The following DNAH6 variants were observed in gnomAD, a reference collection of about 807,000 sequenced individuals.
DNAH6 encodes axonemal beta dynein heavy chain 6.
DNAH6 carries 340 observed loss-of-function variants against 491.4 expected under a neutral mutation model. That is an observed-to-expected ratio of 0.69 (90% CI 0.63 to 0.76). The LOEUF is 0.76. DNAH6 is among the 30% of genes least tolerant of loss of function. DNAH6 has a pLI of 0.00. For missense variants in DNAH6, 4,443 were observed against 4,972.2 expected, an observed-to-expected ratio of 0.89 and a Z score of 3.20; for synonymous variants, 1,603 against 1,686.1, an observed-to-expected ratio of 0.95 and a Z score of 1.21.
chr2:84,653,667 C>T lies in DNAH6; in HGVS notation c.5427C>T (p.Thr1809=), dbSNP rs895604010. ...TATATGGAGAGGTTAATAACTTAAC[C>T]TTGGAATGGAAAGATGGTTTGATGG... is the stretch of plus-strand genomic sequence containing the variant. ...GELYGEVNNL[T]LEWKDGLMAL... is the part of the protein sequence containing the mutation. The change falls in exon 34 of 77, where the codon ACC becomes ACT. Residue 1809 remains threonine (T), a synonymous_variant. Coordinates refer to ENST00000389394, the MANE Select transcript of DNAH6 (RefSeq NM_001370.2). The T allele has an allele frequency of 1.0e-5, 16 of 1,551,016 alleles. No homozygotes were observed. In the African/African-American group the frequency reaches 2.2e-4, roughly 21 times the overall value.
At chr2:84,803,569 C>A (rs1679131919) in intron 70 of DNAH6, among the ~76,000 whole-genome samples, 1 of 150,084 alleles carries the variant, frequency 6.7e-6, no homozygotes, top group African/African-American at 2.5e-5. Context: ...TAATAAAATG[C>A]TAAAAATCAA....
chr2:84,747,739 C>T (rs944723071), intron 63 of DNAH6, among the ~76,000 whole-genome samples: 3 of 152,196 alleles, frequency 2.0e-5, no homozygotes, highest in African/African-American at 7.2e-5. Context: ...GGGATCCCAC[C>T]CCTACAGCAG....
intron 68 of DNAH6, among the ~76,000 whole-genome samples, chr2:84,793,549 G>A (rs997508383): frequency 3.9e-5 from 6 of 152,110 alleles, no homozygotes; most frequent in African/African-American, 9.7e-5. Flanking sequence ...ATGTTCCAGC[G>A]CCAAGGACCC....
the DNAH6 span, among the ~76,000 whole-genome samples, chr2:84,486,402 G>C: frequency 6.6e-6 from 1 of 152,194 alleles, no homozygotes; most frequent in Admixed American, 6.5e-5. Context: ...GCCTCCTCCA[G>C]CTTTACTCAC....
intron 20 of DNAH6, among the ~76,000 whole-genome samples, chr2:84,606,294 C>T (rs919255146): frequency 6.6e-6 from 1 of 152,072 alleles, no homozygotes; most frequent in Non-Finnish European, 1.5e-5. Context: ...CATCACTCTG[C>T]GCAGGGGATG....
intron 64 of DNAH6, among the ~76,000 whole-genome samples, chr2:84,768,045 T>C (rs911376343): frequency 3.9e-5 from 6 of 152,058 alleles, no homozygotes; most frequent in Non-Finnish European, 7.4e-5. Flanking sequence ...ATTAAGCCTC[T>C]TTTAGACAAA....
Position 84,640,516 on chromosome 2 carries a change from G to A in DNAH6, c.4908G>A (p.Leu1636=). The change falls in exon 32 of 77, where the codon CTG becomes CTA. Residue 1636 remains leucine (L), a synonymous_variant. Transcript: ENST00000389394. ...TQMYKLCSEQ[L]SQQDHYDFGM... is the part of the protein sequence containing the mutation. ...TGTATAAGCTTTGCAGTGAGCAGCT[G>A]TCTCAGCAGGATCACTACGACTTTG... is the stretch of plus-strand genomic sequence containing the variant. 6.4e-7 allele frequency: 1 copy of A among 1,551,294 alleles called. No individual in the cohort carries two copies. Among genetic ancestry groups the A allele is most frequent in the Non-Finnish European group, 8.7e-7 (1 of 1,146,690 alleles).
intron 33 of DNAH6, among the ~76,000 whole-genome samples, chr2:84,646,331 C>T (rs1412831451): frequency 6.6e-6 from 1 of 152,048 alleles, no homozygotes; most frequent in Admixed American, 6.6e-5. Flanking sequence ...TTCTCTGAGA[C>T]ATAATAATAT....
chr2:84,504,512 T>C, the DNAH6 span, among the ~76,000 whole-genome samples: 2 of 152,198 alleles, frequency 1.3e-5, no homozygotes, highest in Non-Finnish European at 2.9e-5. Context: ...GTATTTATTG[T>C]AGTCTTCACT....
chr2:84,608,728 G>A (rs946117699), intron 21 of DNAH6, among the ~76,000 whole-genome samples: 1 of 152,104 alleles, frequency 6.6e-6, no homozygotes, highest in Non-Finnish European at 1.5e-5. Flanking sequence ...TTTTTGAATG[G>A]TAAATGAGCA....
intron 37 of DNAH6, among the ~76,000 whole-genome samples, chr2:84,665,115 T>G (rs1219247613): frequency 1.3e-5 from 2 of 152,110 alleles, no homozygotes; most frequent in African/African-American, 2.4e-5. Context: ...AGAGGGAAAT[T>G]TATAGCACTA....
chr2:84,803,594 CAT>C (rs1679136510), intron 70 of DNAH6, among the ~76,000 whole-genome samples: 1 of 151,240 alleles, frequency 6.6e-6, no homozygotes, highest in Non-Finnish European at 1.5e-5. Flanking sequence ...GTTAAAAAAA[CAT>C]TATGAATAAT....
chr2:84,565,453 T>C (rs957286062), intron 11 of DNAH6, among the ~76,000 whole-genome samples: 2 of 152,038 alleles, frequency 1.3e-5, no homozygotes, highest in Admixed American at 6.6e-5. Flanking sequence ...AATTTATCCA[T>C]TTCCTCTAGA....
intron 31 of DNAH6, among the ~76,000 whole-genome samples, chr2:84,638,611 A>G (rs1248642393): frequency 6.6e-6 from 1 of 151,900 alleles, no homozygotes; most frequent in Admixed American, 6.5e-5. Context: ...TATGTGAAAT[A>G]AAAGTAATTG....
intron 68 of DNAH6, among the ~76,000 whole-genome samples, chr2:84,791,473 A>C (rs1282264516): frequency 6.6e-6 from 1 of 151,868 alleles, no homozygotes; most frequent in Non-Finnish European, 1.5e-5. Context: ...TTTCCAGACG[A>C]GTCAAGCCTA....
intron 42 of DNAH6, among the ~76,000 whole-genome samples, chr2:84,682,394 G>T (rs571394015): frequency 6.6e-6 from 1 of 152,278 alleles, no homozygotes; most frequent in South Asian, 2.1e-4. Flanking sequence ...GGGCCGCAGG[G>T]CTCGGTCTTT....
chr2:84,493,622 C>T, the DNAH6 span, among the ~76,000 whole-genome samples: 2 of 152,096 alleles, frequency 1.3e-5, no homozygotes, highest in Non-Finnish European at 2.9e-5. Flanking sequence ...AAGCAAAAAT[C>T]GTTGGCTGAG....
intron 12 of DNAH6, among the ~76,000 whole-genome samples, chr2:84,574,697 G>A (rs576356020): frequency 9.9e-5 from 15 of 152,250 alleles, no homozygotes; most frequent in African/African-American, 3.1e-4. Context: ...GAAGCATACC[G>A]ACAGGGACGT....
At chr2:84,493,705 C>G in the DNAH6 span, among the ~76,000 whole-genome samples, 3 of 152,248 alleles carry the variant, frequency 2.0e-5, no homozygotes, top group African/African-American at 7.2e-5. Flanking sequence ...CAGAAGGAAT[C>G]GGCGCCAGAA....
Sources: allele counts gnomAD v4.1 joint callset (sites outside exome capture counted in the v4.1 genomes callset), GRCh38; gene constraint gnomAD v4.1.1; transcripts MANE v1.5; gene names NCBI Gene and HGNC (gene_info 2026-07-23, HGNC 2026-07-21).